Variants in GFRA2 observed in about 807,000 individuals in gnomAD.
The protein encoded by GFRA2 is GDNF family receptor alpha 2, also known as GDNF family receptor alpha-2.
A neutral mutation model predicts 48.3 loss-of-function variants in GFRA2; 17 were observed. The ratio of observed to expected loss-of-function variants is 0.35; its 90% CI spans 0.24 to 0.53. The LOEUF (loss-of-function observed/expected upper bound fraction) is 0.53. GFRA2 is among the 20% of genes least tolerant of loss of function. The probability of loss-of-function intolerance (pLI) is 0.93; values close to 1 mark genes in which losing one functional copy is unlikely to be tolerated. For synonymous variants in GFRA2, 305 were observed against 257.2 expected, an observed-to-expected ratio of 1.19 and a Z score of -1.78; for missense variants, 660 against 637.3, an observed-to-expected ratio of 1.04 and a Z score of -0.38.
At chr8:21,700,082 G>A (rs1222896293) in intron 7 of GFRA2, among the ~76,000 whole-genome samples, 1 of 152,176 alleles carries the variant, frequency 6.6e-6, no homozygotes, top group Non-Finnish European at 1.5e-5. Flanking sequence ...ACCAGGTGGA[G>A]AGGAGTGGAC....
At chr8:21,766,731 C>G (rs1032166636) in intron 3 of GFRA2, among the ~76,000 whole-genome samples, 2 of 7,384 alleles carry the variant, frequency 2.7e-4, no homozygotes, top group Admixed American at 2.8e-3. Context: ...GCCGCTCTGG[C>G]CCCTCCCTCC....
rs1801891067 is a variant in GFRA2 at position 21,691,762 on chromosome 8, G to C, written c.*1516C>G. On this transcript the variant is annotated 3_prime_UTR_variant, in exon 9 of 9. Coordinates refer to ENST00000524240, the MANE Select transcript of GFRA2 (RefSeq NM_001495.5). ...CGCCAACTGGAGAAGTGAGCAAAGA[G>C]GGAACAGAACAGCCCACCAGGCTCA... 1 of 152,326 alleles carries C rather than the reference G, an allele frequency of 6.6e-6. No homozygotes were observed. The highest frequency in any genetic ancestry group is 2.1e-4 in the South Asian group (1 of 4,828). The allele number at this position is 152,326 out of a possible 1,614,324, so 9.4% of individuals were successfully genotyped here. A position where few individuals can be genotyped will look rare whatever the true frequency, so the allele number is the denominator to read the frequency against.
At position 21,750,745 on chromosome 8, in the gene GFRA2, T is replaced by C. The variant is rs1563246330; in HGVS notation, c.637A>G (p.Ser213Gly). The change falls in exon 4 of 9, where the codon AGC (serine) becomes GGC (glycine). Residue 213 changes from serine to glycine, a missense_variant. Physicochemically the swap from Ser to Gly is moderately conservative, Grantham distance 56. Transcript: ENST00000524240. This position sits in a 1 kb window ranked among gnomAD's most constrained non-coding sequence, Gnocchi z 5.7. ...ALRQFFDRVPSEYTYRMLFCS... is the reference protein window; with the variant it reads ...ALRQFFDRVPGEYTYRMLFCS... ...AAGAGCATGCGGTAGGTGTACTCGC[T>C]GGGCACCCGGTCGAAGAACTGGCGC... is the stretch of plus-strand genomic sequence containing the variant. 1.2e-6 allele frequency: 2 copies of C among 1,613,900 alleles called. No homozygotes were observed. Among genetic ancestry groups the C allele is most frequent in the Non-Finnish European group, 1.7e-6 (2 of 1,179,880 alleles).
intron 6 of GFRA2, among the ~76,000 whole-genome samples, 191 bp from the exon 7 acceptor site, chr8:21,703,168 C>T (rs916404554): frequency 6.6e-6 from 1 of 152,072 alleles, no homozygotes; most frequent in African/African-American, 2.4e-5. Context: ...CTCACAGCTA[C>T]AGAATATAGC....
intron 3 of GFRA2, among the ~76,000 whole-genome samples, chr8:21,766,974 TAC>T (rs1267490623): frequency 1.5e-5 from 2 of 131,596 alleles, no homozygotes; most frequent in Non-Finnish European, 3.3e-5. Context: ...CATTACCTCA[TAC>T]ACTTACTACA....
At chr8:21,779,352 T>G (rs904509920) in intron 2 of GFRA2, among the ~76,000 whole-genome samples, 19 of 152,222 alleles carry the variant, frequency 1.2e-4, no homozygotes, top group Non-Finnish European at 2.4e-4. Context: ...CGTGGCCTGA[T>G]GCAGTGATAC....
At chr8:21,730,133 G>A (rs953514202) in intron 4 of GFRA2, among the ~76,000 whole-genome samples, 5 of 152,126 alleles carry the variant, frequency 3.3e-5, no homozygotes, top group South Asian at 2.1e-4. Context: ...GGCCAGGCGC[G>A]GTGGCTCGCA....
At chr8:21,698,469 G>T (rs1563212822) in intron 7 of GFRA2, among the ~76,000 whole-genome samples, 2 of 152,272 alleles carry the variant, frequency 1.3e-5, no homozygotes, top group Admixed American at 1.3e-4. Context: ...CGAAGCGCAG[G>T]CCGGCATTCC....
At chr8:21,772,391 AC>A (rs1198153474) in intron 3 of GFRA2, among the ~76,000 whole-genome samples, 2 of 152,032 alleles carry the variant, frequency 1.3e-5, no homozygotes, top group Non-Finnish European at 2.9e-5. Context: ...GCAGCTTCGA[AC>A]CCTTGGGCTC....
intron 7 of GFRA2, among the ~76,000 whole-genome samples, chr8:21,697,166 T>TGGG (rs1802245038): frequency 1.1e-3 from 18 of 16,524 alleles, no homozygotes; most frequent in Non-Finnish European, 1.5e-3. Context: ...GGACAGAGGA[T>TGGG]AGGGGAGGGG....
intron 4 of GFRA2, among the ~76,000 whole-genome samples, chr8:21,745,403 G>A (rs1804956837): frequency 6.6e-6 from 1 of 152,226 alleles, no homozygotes; most frequent in South Asian, 2.1e-4. Context: ...GAGATGCCAA[G>A]GGCTGGGGCC....
At chr8:21,798,544 G>C (rs1318379768) in intron 2 of GFRA2, among the ~76,000 whole-genome samples, 2 of 152,172 alleles carry the variant, frequency 1.3e-5, no homozygotes, top group Non-Finnish European at 2.9e-5. Context: ...CTGACCATGT[G>C]ACTTTAGTTC....
intron 1 of GFRA2, among the ~76,000 whole-genome samples, chr8:21,787,397 CG>C (rs1807336439): frequency 6.6e-6 from 1 of 152,312 alleles, no homozygotes; most frequent in Admixed American, 6.5e-5. Flanking sequence ...CCACCAGCCA[CG>C]GGGGTCCGCG....
intron 3 of GFRA2, chr8:21,769,181 G>A (rs759648316): frequency 1.9e-4 from 185 of 984,630 alleles, no homozygotes; most frequent in Non-Finnish European, 2.1e-4. Context: ...GACCGTCTCC[G>A]GAACACACAG....
At chr8:21,706,098 T>C in intron 4 of GFRA2, 57 bp from the exon 5 acceptor site, 1 of 1,104,690 alleles carries the variant, frequency 9.1e-7, no homozygotes, top group Non-Finnish European at 1.3e-6. Context: ...AGCTGCCTTC[T>C]GTCTCCTCTG....
At chr8:21,807,789 C>T (rs1807899718) in intron 1 of GFRA2, among the ~76,000 whole-genome samples, 1 of 152,228 alleles carries the variant, frequency 6.6e-6, no homozygotes, top group African/African-American at 2.4e-5. Context: ...GTGAAAGCCA[C>T]ATACCGACTA....
At position 21,775,144 on chromosome 8, in the gene GFRA2, C is replaced by A. The variant is rs1394606348; in HGVS notation, c.356-89G>T. 3 of 729,046 alleles carry A rather than the reference C, an allele frequency of 4.1e-6. No homozygotes were observed. The African/African-American group carries it at 5.2e-5, about 13-fold the overall frequency. 45.2% of individuals were successfully genotyped at this position (729,046 alleles called of 1,614,324 possible). A position where few individuals can be genotyped will look rare whatever the true frequency, so the allele number is the denominator to read the frequency against. ...AAATCTGCCGGAGGAAAGCTCTCTACCAGGGGAAAGCTCGTGCCACCCAAA... is the reference window on the plus strand; with the variant it reads ...AAATCTGCCGGAGGAAAGCTCTCTAACAGGGGAAAGCTCGTGCCACCCAAA... On this transcript the variant is annotated intron_variant, in intron 2 of 8. Transcript: ENST00000524240.
intron 2 of GFRA2, among the ~76,000 whole-genome samples, chr8:21,775,264 T>C (rs1032684718): frequency 1.3e-5 from 2 of 152,122 alleles, no homozygotes; most frequent in Non-Finnish European, 2.9e-5. Flanking sequence ...GGCAGGTCTG[T>C]CTCCCCAACT....
In GFRA2 at chr8:21,781,839, G is replaced by T. The variant is rs6983565; in HGVS notation, c.355+746C>A. Among the ~76,000 whole-genome samples the T allele has an allele frequency of 3.4e-3, 521 of 152,316 alleles. 3 individuals carry two copies. The highest frequency in any genetic ancestry group is 0.012 in the African/African-American group (495 of 41,576). ...CAAATCCTCCACACCCAGGTCTGGA[G>T]GGGGAGGGGATGTGAAGGTGTGTTA... On this transcript the variant is annotated intron_variant, in intron 2 of 8. Transcript: ENST00000524240.
Sources: allele counts gnomAD v4.1 joint callset (sites outside exome capture counted in the v4.1 genomes callset), GRCh38; gene constraint gnomAD v4.1.1; non-coding constraint Gnocchi (gnomAD v3.1); transcripts MANE v1.5; gene names NCBI Gene and HGNC (gene_info 2026-07-23, HGNC 2026-07-21).